Variants in NXPE4 observed in about 807,000 individuals in gnomAD.
NXPE4 encodes neurexophilin and PC-esterase domain family member 4.
NXPE4 carries 42 observed loss-of-function variants against 33.3 expected under a neutral mutation model. The ratio of observed to expected loss-of-function variants is 1.26; its 90% CI spans 0.98 to 1.63. The LOEUF (loss-of-function observed/expected upper bound fraction) is 1.63. NXPE4 is among the 40% of genes most tolerant of loss of function. The pLI, the probability that NXPE4 is intolerant of heterozygous loss-of-function variation, is 0.00. For missense variants in NXPE4, 709 were observed against 647.6 expected (o/e 1.09, Z -1.03); for synonymous variants, 253 against 234.9 (o/e 1.08, Z -0.71).
chr11:114,611,528 C>T, the NXPE4 span, among the ~76,000 whole-genome samples: 24,013 of 151,614 alleles, frequency 0.16, 2,510 homozygotes, highest in Non-Finnish European at 0.22. Context: ...CACTGTTACC[C>T]GGTTTATAAT....
At chr11:114,572,150 C>G (rs1287883517) in intron 5 of NXPE4, among the ~76,000 whole-genome samples, 7 of 152,014 alleles carry the variant, frequency 4.6e-5, no homozygotes, top group Non-Finnish European at 1.0e-4. Flanking sequence ...TCAGGAAGCC[C>G]CATTCCTAGG....
the NXPE4 span, among the ~76,000 whole-genome samples, chr11:114,633,324 G>A: frequency 7.3e-6 from 1 of 137,504 alleles, no homozygotes; most frequent in African/African-American, 2.7e-5. Flanking sequence ...ATTATATTAT[G>A]TGGTATTACA....
At chr11:114,586,052 C>T (rs578044002) in intron 2 of NXPE4, among the ~76,000 whole-genome samples, 1 of 152,258 alleles carries the variant, frequency 6.6e-6, no homozygotes, top group African/African-American at 2.4e-5. Context: ...GAGTCCTAAC[C>T]AGTTCTTTGT....
At chr11:114,661,309 G>A in the NXPE4 span, among the ~76,000 whole-genome samples, 3 of 152,142 alleles carry the variant, frequency 2.0e-5, no homozygotes, top group Non-Finnish European at 4.4e-5. Flanking sequence ...TTTTGTAAAA[G>A]AAGAGCACTA....
At chr11:114,632,193 C>T in the NXPE4 span, among the ~76,000 whole-genome samples, 13,110 of 138,556 alleles carry the variant, frequency 0.095, 771 homozygotes, top group Middle Eastern at 0.2. Flanking sequence ...AATAAATGAT[C>T]ATATATACAT....
chr11:114,624,635 G>A, the NXPE4 span, among the ~76,000 whole-genome samples: 1 of 152,136 alleles, frequency 6.6e-6, no homozygotes, highest in South Asian at 2.1e-4. Flanking sequence ...TTACCCAGTG[G>A]ATAATAAGTA....
the NXPE4 span, among the ~76,000 whole-genome samples, chr11:114,601,620 T>TTATAATTATATATTA: frequency 0.065 from 86 of 1,330 alleles, no homozygotes; most frequent in African/African-American, 0.14. Flanking sequence ...TAATTATATA[T>TTATAATTATATATTA]TATATATTAT....
chr11:114,659,002 A>G, the NXPE4 span, among the ~76,000 whole-genome samples: 1 of 152,168 alleles, frequency 6.6e-6, no homozygotes, highest in Non-Finnish European at 1.5e-5. Flanking sequence ...TGAAATAGGA[A>G]CACTGAGAAA....
At chr11:114,651,575 C>T in the NXPE4 span, among the ~76,000 whole-genome samples, 156 of 152,276 alleles carry the variant, frequency 1.0e-3, no homozygotes, top group South Asian at 1.9e-3. Flanking sequence ...GCCTTTATTC[C>T]CTTATTTGGC....
At chr11:114,644,144 G>C in the NXPE4 span, among the ~76,000 whole-genome samples, 625 of 152,250 alleles carry the variant, frequency 4.1e-3, 2 homozygotes, top group African/African-American at 0.015. Context: ...ATCAGCTTAA[G>C]GAGATTTTGG....
chr11:114,630,313 A>T, the NXPE4 span, among the ~76,000 whole-genome samples: 430 of 151,982 alleles, frequency 2.8e-3, 3 homozygotes, highest in Non-Finnish European at 4.4e-3. Context: ...TGGTACTGGT[A>T]CCAAAATAGA....
chr11:114,595,421 T>C (rs998888555), intron 1 of NXPE4, among the ~76,000 whole-genome samples, 171 bp downstream of exon 1: 3 of 152,154 alleles, frequency 2.0e-5, no homozygotes, highest in East Asian at 1.9e-4. Context: ...TAACATCAGA[T>C]TGCTTGAATG....
At chr11:114,636,088 C>A in the NXPE4 span, among the ~76,000 whole-genome samples, 1 of 17,436 alleles carries the variant, frequency 5.7e-5, no homozygotes, top group Non-Finnish European at 1.0e-4. Flanking sequence ...GTGAATCCAT[C>A]TGGTCCTGGA....
At chr11:114,633,894 G>C in the NXPE4 span, among the ~76,000 whole-genome samples, 1 of 151,768 alleles carries the variant, frequency 6.6e-6, no homozygotes, top group Non-Finnish European at 1.5e-5. Context: ...TTCCAAGTCT[G>C]CTATTGTGAG....
the NXPE4 span, among the ~76,000 whole-genome samples, chr11:114,652,836 C>T: frequency 1.6e-4 from 24 of 152,286 alleles, no homozygotes; most frequent in African/African-American, 3.4e-4. Context: ...TAAAAGGCAG[C>T]GCATTCAGCT....
chr11:114,608,349 G>A, the NXPE4 span, among the ~76,000 whole-genome samples: 292 of 151,900 alleles, frequency 1.9e-3, 5 homozygotes, highest in East Asian at 0.044. Flanking sequence ...GTGTTGCCAC[G>A]TGGGTAACAA....
At chr11:114,592,511 G>C (rs1161300187) in intron 2 of NXPE4, among the ~76,000 whole-genome samples, 6 of 151,182 alleles carry the variant, frequency 4.0e-5, no homozygotes, top group Admixed American at 2.6e-4. Context: ...CAAGAAATTG[G>C]AGAACACACA....
chr11:114,630,685 A>T, the NXPE4 span, among the ~76,000 whole-genome samples: 1 of 151,234 alleles, frequency 6.6e-6, no homozygotes, highest in East Asian at 1.9e-4. Flanking sequence ...GATCTAATTA[A>T]ACTAAAGAGC....
chr11:114,653,274 A>G, the NXPE4 span, among the ~76,000 whole-genome samples: 1 of 152,236 alleles, frequency 6.6e-6, no homozygotes, highest in Non-Finnish European at 1.5e-5. Flanking sequence ...AAAATGTTCT[A>G]TAAGGGCTGA....
Sources: gnomAD v4.1 joint callset for allele counts (sites outside exome capture counted in the v4.1 genomes callset) on GRCh38, gnomAD v4.1.1 for gene constraint, MANE v1.5 for transcripts, NCBI Gene and HGNC (gene_info 2026-07-23, HGNC 2026-07-21) for gene names.